Variants in CNTN5 observed in about 807,000 individuals in gnomAD.
CNTN5 encodes the protein contactin 5.
In CNTN5, 77 loss-of-function variants were observed where a neutral mutation model predicts 129.1. That is an observed-to-expected ratio of 0.60 (90% CI 0.50 to 0.72). The LOEUF (loss-of-function observed/expected upper bound fraction) is 0.72, where lower values mean the gene tolerates loss of function less well. CNTN5 is among the 30% of genes least tolerant of loss of function. CNTN5 has a pLI of 0.00. For synonymous variants in CNTN5, 509 were observed against 465.6 expected, an observed-to-expected ratio of 1.09 and a Z score of -1.20; for missense variants, 1,478 against 1,328.8, an observed-to-expected ratio of 1.11 and a Z score of -1.75.
At chr11:99,138,505 A>G (rs1295554861) in intron 1 of CNTN5, among the ~76,000 whole-genome samples, 1 of 152,166 alleles carries the variant, frequency 6.6e-6, no homozygotes, top group Non-Finnish European at 1.5e-5. Context: ...AGATAATTTT[A>G]TGCTTTATTT....
At chr11:100,120,376 T>A (rs1945978288) in intron 13 of CNTN5, among the ~76,000 whole-genome samples, 1 of 152,000 alleles carries the variant, frequency 6.6e-6, no homozygotes, top group Non-Finnish European at 1.5e-5. Flanking sequence ...GTATCAATAG[T>A]CTACTTAGTG....
chr11:99,881,511 T>C (rs1217495696), intron 6 of CNTN5, among the ~76,000 whole-genome samples: 2 of 152,210 alleles, frequency 1.3e-5, no homozygotes, highest in Non-Finnish European at 2.9e-5. Context: ...AAGTCCACTA[T>C]TATGAATTAC....
chr11:99,997,970 A>C (rs545414472), intron 8 of CNTN5, among the ~76,000 whole-genome samples: 1 of 152,054 alleles, frequency 6.6e-6, no homozygotes. Context: ...CATGCTAAAA[A>C]CTCTCAATAA....
intron 13 of CNTN5, among the ~76,000 whole-genome samples, chr11:100,103,419 C>T (rs1945295452): frequency 6.6e-6 from 1 of 152,126 alleles, no homozygotes; most frequent in African/African-American, 2.4e-5. Flanking sequence ...ACTAATGTTG[C>T]TCTGACAACC....
chr11:99,760,885 A>T (rs1487390681), intron 3 of CNTN5, among the ~76,000 whole-genome samples: 1 of 152,148 alleles, frequency 6.6e-6, no homozygotes, highest in Non-Finnish European at 1.5e-5. Flanking sequence ...TTGGCAACAG[A>T]CACCTGAGAA....
intron 18 of CNTN5, among the ~76,000 whole-genome samples, chr11:100,292,647 T>C (rs1379826736): frequency 2.0e-5 from 3 of 151,948 alleles, no homozygotes; most frequent in Non-Finnish European, 2.9e-5. Flanking sequence ...CACTTCTCTA[T>C]TGACAGCTGG....
At chr11:99,901,700 A>G (rs570213864) in intron 6 of CNTN5, among the ~76,000 whole-genome samples, 15 of 152,326 alleles carry the variant, frequency 9.8e-5, no homozygotes, top group African/African-American at 3.4e-4. Flanking sequence ...TTAAGTACCT[A>G]ATATGGTGCT....
chr11:99,771,065 A>G (rs537023871), intron 3 of CNTN5, among the ~76,000 whole-genome samples: 10 of 152,232 alleles, frequency 6.6e-5, no homozygotes, highest in African/African-American at 2.2e-4. Flanking sequence ...TCTTTAGTAA[A>G]TGGTGTAGAG....
chr11:100,355,647 G>A (rs1400218106), intron 24 of CNTN5, among the ~76,000 whole-genome samples: 1 of 151,516 alleles, frequency 6.6e-6, no homozygotes, highest in Admixed American at 6.6e-5. Context: ...AACATTACTA[G>A]GCAATAGGAA....
chr11:99,489,710 T>G (rs906006572), intron 2 of CNTN5, among the ~76,000 whole-genome samples: 1 of 152,058 alleles, frequency 6.6e-6, no homozygotes, highest in Non-Finnish European at 1.5e-5. Context: ...TAGCGTGGAG[T>G]CTGCCAGGAG....
chr11:100,158,137 A>G (rs1384167163), intron 13 of CNTN5, among the ~76,000 whole-genome samples: 2 of 151,836 alleles, frequency 1.3e-5, no homozygotes, highest in African/African-American at 4.8e-5. Flanking sequence ...AGACAAACTC[A>G]GAAGAGAAAG....
At chr11:99,083,630 A>G (rs1865892552) in intron 1 of CNTN5, among the ~76,000 whole-genome samples, 1 of 152,200 alleles carries the variant, frequency 6.6e-6, no homozygotes, top group African/African-American at 2.4e-5. Context: ...GGGTATATCC[A>G]GAATTTGTAT....
intron 2 of CNTN5, among the ~76,000 whole-genome samples, chr11:99,362,220 T>C (rs1939159267): frequency 6.6e-6 from 1 of 152,108 alleles, no homozygotes; most frequent in Non-Finnish European, 1.5e-5. Flanking sequence ...TGATTTGCTG[T>C]CCCTTAGTGA....
At chr11:99,333,444 C>G (rs902152606) in intron 2 of CNTN5, among the ~76,000 whole-genome samples, 4 of 151,976 alleles carry the variant, frequency 2.6e-5, no homozygotes, top group Non-Finnish European at 5.9e-5. Context: ...GCATGACCAC[C>G]ACTTCATAGA....
chr11:100,260,676 C>T (rs1487754712), intron 17 of CNTN5, among the ~76,000 whole-genome samples: 1 of 152,276 alleles, frequency 6.6e-6, no homozygotes, highest in Non-Finnish European at 1.5e-5. Flanking sequence ...ATCACATAAA[C>T]AGAATCAATG....
intron 18 of CNTN5, among the ~76,000 whole-genome samples, chr11:100,278,822 C>G (rs780953818): frequency 6.6e-6 from 1 of 151,924 alleles, no homozygotes; most frequent in Non-Finnish European, 1.5e-5. Context: ...ATTGCTCTAG[C>G]TAGGACTTCC....
chr11:99,876,365 T>C (rs947822941), intron 6 of CNTN5, among the ~76,000 whole-genome samples: 2 of 152,148 alleles, frequency 1.3e-5, no homozygotes, highest in Non-Finnish European at 2.9e-5. Flanking sequence ...TATCTGGAAA[T>C]TGATGTTCTA....
chr11:99,758,251 T>G (rs1466020390), intron 3 of CNTN5, among the ~76,000 whole-genome samples: 2 of 152,044 alleles, frequency 1.3e-5, no homozygotes, highest in Non-Finnish European at 2.9e-5. Flanking sequence ...TGTAAGTTTC[T>G]TTTTTTATTT....
intron 21 of CNTN5, among the ~76,000 whole-genome samples, chr11:100,318,425 G>A (rs772360415): frequency 1.9e-4 from 29 of 151,938 alleles, no homozygotes; most frequent in Admixed American, 9.8e-4. Flanking sequence ...GAGCATCCAC[G>A]CAAAAATATG....
Sources: allele counts gnomAD v4.1 joint callset (sites outside exome capture counted in the v4.1 genomes callset), GRCh38; gene constraint gnomAD v4.1.1; transcripts MANE v1.5; gene names NCBI Gene and HGNC (gene_info 2026-07-23, HGNC 2026-07-21).